The following BICC1 variants were observed in gnomAD, a reference collection of about 807,000 sequenced individuals.
The protein encoded by BICC1 is protein bicaudal C homolog 1.
BICC1 carries 43 observed loss-of-function variants against 111.0 expected under a neutral mutation model. That is an observed-to-expected ratio of 0.39 (90% CI 0.30 to 0.50). The LOEUF (loss-of-function observed/expected upper bound fraction) is 0.50, where lower values mean the gene tolerates loss of function less well. BICC1 is among the 20% of genes least tolerant of loss of function. The pLI is 0.88. For synonymous variants in BICC1, 467 were observed against 434.4 expected, an observed-to-expected ratio of 1.07 and a Z score of -0.93; for missense variants, 1,091 against 1,203.2, an observed-to-expected ratio of 0.91 and a Z score of 1.38.
At chr10:58,617,678 C>T (rs61874053) in intron 1 of BICC1, among the ~76,000 whole-genome samples, 11,153 of 152,324 alleles carry the variant, frequency 0.073, 611 homozygotes, top group Non-Finnish European at 0.12. Flanking sequence ...GTGACACCTA[C>T]GGTAATCTGC....
intron 3 of BICC1, among the ~76,000 whole-genome samples, chr10:58,707,083 G>C (rs1024996932): frequency 1.3e-5 from 2 of 152,168 alleles, no homozygotes; most frequent in African/African-American, 4.8e-5. Flanking sequence ...ATGTTTCCTG[G>C]TTTGGAGACA....
intron 1 of BICC1, among the ~76,000 whole-genome samples, chr10:58,598,395 C>T (rs1240477317): frequency 6.6e-6 from 1 of 152,124 alleles, no homozygotes; most frequent in Non-Finnish European, 1.5e-5. Flanking sequence ...CTAACACAAA[C>T]AAGCAATGGG....
rs1320871963 is a variant in BICC1 at position 58,683,744 on chromosome 10, A to T, written c.238-18330A>T. ...AGATTTTGTATCCTGAGATTTGCTGAAGTTGCTTATCAGCTTAAGGAGCTT... is the reference window on the plus strand; with the variant it reads ...AGATTTTGTATCCTGAGATTTGCTGTAGTTGCTTATCAGCTTAAGGAGCTT... On this transcript the variant is annotated intron_variant, in intron 2 of 20. Transcript: ENST00000373886. Among the ~76,000 whole-genome samples, 4 of 152,340 alleles carry T rather than the reference A, an allele frequency of 2.6e-5. No homozygotes were observed. In the East Asian group the frequency reaches 7.7e-4, roughly 29 times the overall value.
intron 3 of BICC1, among the ~76,000 whole-genome samples, chr10:58,772,364 C>A (rs1434218007): frequency 6.6e-6 from 1 of 152,040 alleles, no homozygotes; most frequent in East Asian, 1.9e-4. Context: ...TTACTGTTTT[C>A]TCCTGTGTCT....
intron 2 of BICC1, among the ~76,000 whole-genome samples, chr10:58,662,342 C>T (rs1165759327): frequency 6.6e-6 from 1 of 152,094 alleles, no homozygotes; most frequent in African/African-American, 2.4e-5. Flanking sequence ...TTTTTAAATG[C>T]CCAAATGAAA....
At chr10:58,809,236 A>G (rs796957423) in intron 17 of BICC1, among the ~76,000 whole-genome samples, 3 of 151,272 alleles carry the variant, frequency 2.0e-5, no homozygotes, top group Non-Finnish European at 4.4e-5. Context: ...GGGTTTCACC[A>G]TGTTGGCCAG....
intron 1 of BICC1, among the ~76,000 whole-genome samples, chr10:58,615,746 C>G (rs553033452): frequency 6.8e-4 from 103 of 152,222 alleles, no homozygotes; most frequent in African/African-American, 2.3e-3. Flanking sequence ...CCACTGATTC[C>G]AGGTTGGGCA....
intron 2 of BICC1, chr10:58,648,435 A>G: frequency 1.1e-6 from 1 of 875,818 alleles, no homozygotes; most frequent in African/African-American, 1.8e-5. Context: ...CTAAGCCAAA[A>G]AAGGCATTTA....
chr10:58,687,026 T>A (rs1839754334), intron 2 of BICC1, among the ~76,000 whole-genome samples: 1 of 152,240 alleles, frequency 6.6e-6, no homozygotes, highest in South Asian at 2.1e-4. Flanking sequence ...TGGTCTTTGA[T>A]GATGGTGATG....
At chr10:58,740,301 C>T (rs1841616593) in intron 3 of BICC1, among the ~76,000 whole-genome samples, 2 of 152,098 alleles carry the variant, frequency 1.3e-5, no homozygotes, top group Admixed American at 6.6e-5. Flanking sequence ...AAGATTTGCA[C>T]ATGTATAAAG....
At chr10:58,554,734 A>G (rs1843395719) in intron 1 of BICC1, among the ~76,000 whole-genome samples, 1 of 151,808 alleles carries the variant, frequency 6.6e-6, no homozygotes, top group South Asian at 2.1e-4. Context: ...AATTTAAACA[A>G]TGTGATATCA....
At chr10:58,698,733 C>G (rs1460632392) in intron 2 of BICC1, among the ~76,000 whole-genome samples, 1 of 152,180 alleles carries the variant, frequency 6.6e-6, no homozygotes, top group Non-Finnish European at 1.5e-5. Context: ...ATATCAAGCA[C>G]TCAGTACGTG....
At chr10:58,747,046 T>A (rs1841854611) in intron 3 of BICC1, among the ~76,000 whole-genome samples, 1 of 152,134 alleles carries the variant, frequency 6.6e-6, no homozygotes, top group Non-Finnish European at 1.5e-5. Context: ...TGTCAGCTGC[T>A]GAGGTTCACG....
intron 8 of BICC1, among the ~76,000 whole-genome samples, chr10:58,790,310 A>G (rs534519918): frequency 6.6e-6 from 1 of 152,304 alleles, no homozygotes; most frequent in East Asian, 1.9e-4. Context: ...GTTTAAACAG[A>G]AAAGTAAAAA....
chr10:58,775,152 C>A (rs1450927075), intron 3 of BICC1, among the ~76,000 whole-genome samples: 2 of 152,042 alleles, frequency 1.3e-5, no homozygotes, highest in African/African-American at 4.8e-5. Flanking sequence ...CTGGGAGGAT[C>A]ACTTAAGGCC....
chr10:58,592,996 G>C (rs1844683304), intron 1 of BICC1, among the ~76,000 whole-genome samples: 1 of 151,828 alleles, frequency 6.6e-6, no homozygotes, highest in African/African-American at 2.4e-5. Flanking sequence ...AATTCTCGCT[G>C]CCAGCACAAC....
chr10:58,608,776 G>T (rs1007111004), intron 1 of BICC1, among the ~76,000 whole-genome samples: 9 of 152,154 alleles, frequency 5.9e-5, no homozygotes, highest in African/African-American at 1.9e-4. Context: ...ACCTAGATTT[G>T]AACCTAGACT....
At chr10:58,601,164 ATATATATCT>A (rs1845022614) in intron 1 of BICC1, among the ~76,000 whole-genome samples, 4 of 140,512 alleles carry the variant, frequency 2.8e-5, no homozygotes, top group East Asian at 2.1e-4. Flanking sequence ...ATATATATAT[ATATATATCT>A]CCCAATAAAA....
At chr10:58,542,540 T>C (rs568250120) in intron 1 of BICC1, among the ~76,000 whole-genome samples, 3 of 152,132 alleles carry the variant, frequency 2.0e-5, no homozygotes, top group Non-Finnish European at 2.9e-5. Context: ...CTAAAAACTT[T>C]TGTGCAGCAA....
Sources: allele counts gnomAD v4.1 joint callset (sites outside exome capture counted in the v4.1 genomes callset), GRCh38; gene constraint gnomAD v4.1.1; transcripts MANE v1.5; gene names NCBI Gene and HGNC (gene_info 2026-07-23, HGNC 2026-07-21).